The following ARHGAP35 variants were observed in gnomAD, a reference collection of about 807,000 sequenced individuals.
The protein encoded by ARHGAP35 is Rho GTPase activating protein 35.
Under a neutral mutation model 111.1 loss-of-function variants are expected in ARHGAP35, and 15 were observed. That is an observed-to-expected ratio of 0.13 (90% confidence interval 0.09 to 0.21). The LOEUF (loss-of-function observed/expected upper bound fraction) is 0.21, where lower values mean the gene tolerates loss of function less well. Ranked by LOEUF, ARHGAP35 falls within the 10% of genes least tolerant of loss-of-function variation. The pLI, the probability that ARHGAP35 is intolerant of heterozygous loss-of-function variation, is 1.00. For synonymous variants in ARHGAP35, 643 were observed against 710.3 expected, an observed-to-expected ratio of 0.91 and a Z score of 1.51; for missense variants, 1,262 against 1,873.0, an observed-to-expected ratio of 0.67 and a Z score of 6.02.
intron 3 of ARHGAP35, among the ~76,000 whole-genome samples, chr19:46,982,968 C>T (rs915407873): frequency 2.9e-5 from 4 of 139,004 alleles, no homozygotes; most frequent in African/African-American, 1.1e-4. Context: ...GTGAGAGGAT[C>T]GCTTGAGCCT....
chr19:46,888,264 AT>A (rs2056003555), intron 1 of ARHGAP35, among the ~76,000 whole-genome samples: 1 of 924 alleles, frequency 1.1e-3, no homozygotes, highest in South Asian at 0.022. Flanking sequence ...AATCAATAAT[AT>A]ATATATATAT....
At chr19:46,961,288 A>C (rs1028549352) in intron 3 of ARHGAP35, among the ~76,000 whole-genome samples, 1 of 152,228 alleles carries the variant, frequency 6.6e-6, no homozygotes, top group African/African-American at 2.4e-5. Flanking sequence ...CTATCTATAC[A>C]TGTGTAGACA....
intron 1 of ARHGAP35, among the ~76,000 whole-genome samples, chr19:46,880,125 T>G (rs1410994965): frequency 6.6e-6 from 1 of 150,894 alleles, no homozygotes; most frequent in Non-Finnish European, 1.5e-5. Context: ...ATAAATCACT[T>G]TCTTTGCTCA....
chr19:46,875,027 G>A (rs1316308101), intron 1 of ARHGAP35, among the ~76,000 whole-genome samples: 1 of 151,686 alleles, frequency 6.6e-6, no homozygotes, highest in Admixed American at 6.6e-5. Flanking sequence ...GGTCAGGCTG[G>A]TCTCGAACTC....
chr19:46,996,384 G>A (rs2056707438), intron 5 of ARHGAP35, among the ~76,000 whole-genome samples: 1 of 152,132 alleles, frequency 6.6e-6, no homozygotes, highest in African/African-American at 2.4e-5. Context: ...TTACAGGCCT[G>A]AGCCACCGCG....
In ARHGAP35 at chr19:46,983,862, G is replaced by A. The variant is rs544526351; in HGVS notation, c.3827-4127G>A. 8.2e-4 allele frequency among the ~76,000 whole-genome samples: 125 copies of A among 152,014 alleles called. 1 individual carries two copies. Among genetic ancestry groups the A allele is most frequent in the African/African-American group, 2.7e-3 (114 of 41,468 alleles). On this transcript the variant is annotated intron_variant, in intron 3 of 6. Transcript: ENST00000672722. ...GATCTCCTGACCTCGTGATTCGCCC[G>A]CCTCGGCCTCCCAAAGTGCGGGGAT... is the stretch of plus-strand genomic sequence containing the variant.
chr19:46,987,009 G>T (rs1159559957), intron 3 of ARHGAP35, among the ~76,000 whole-genome samples: 1 of 151,654 alleles, frequency 6.6e-6, no homozygotes, highest in Non-Finnish European at 1.5e-5. Context: ...TGTACTTTTA[G>T]TAGAGATGGG....
At chr19:46,880,835 T>C (rs916034101) in intron 1 of ARHGAP35, among the ~76,000 whole-genome samples, 2 of 151,640 alleles carry the variant, frequency 1.3e-5, no homozygotes, top group East Asian at 1.9e-4. Context: ...GCTGCCATGC[T>C]GGACTAATTT....
At chr19:46,949,395 A>G (rs1438933239) in intron 3 of ARHGAP35, among the ~76,000 whole-genome samples, 2 of 152,230 alleles carry the variant, frequency 1.3e-5, no homozygotes, top group African/African-American at 4.8e-5. Context: ...CCACCTTACC[A>G]AAGTAGTTAC....
At chr19:46,982,250 G>A (rs984517812) in intron 3 of ARHGAP35, among the ~76,000 whole-genome samples, 3 of 152,150 alleles carry the variant, frequency 2.0e-5, no homozygotes, top group African/African-American at 4.8e-5. Flanking sequence ...GCCAAGGCGG[G>A]CGGATCACTT....
intron 1 of ARHGAP35, among the ~76,000 whole-genome samples, chr19:46,897,053 C>A (rs2056061220): frequency 6.7e-6 from 1 of 148,806 alleles, no homozygotes; most frequent in East Asian, 2.0e-4. Flanking sequence ...GCCACCACAC[C>A]TGGCTAATTT....
chr19:46,888,602 T>C (rs1044295794), intron 1 of ARHGAP35, among the ~76,000 whole-genome samples: 64 of 151,634 alleles, frequency 4.2e-4, no homozygotes, highest in African/African-American at 1.5e-3. Context: ...AAATGTTTTG[T>C]TTTTTAAAAT....
chr19:46,869,476 T>TTGTGTGTGTGTG (rs36048282), intron 1 of ARHGAP35, among the ~76,000 whole-genome samples: 15 of 144,208 alleles, frequency 1.0e-4, no homozygotes, highest in African/African-American at 3.1e-4. Flanking sequence ...AGAAAAAAAA[T>TTGTGTGTGTGTG]TGTGTGTGTG....
intron 3 of ARHGAP35, among the ~76,000 whole-genome samples, chr19:46,965,065 C>A (rs1011311668): frequency 6.6e-6 from 1 of 152,202 alleles, no homozygotes; most frequent in African/African-American, 2.4e-5. Context: ...GTAATCCCAG[C>A]GCTTTGGGAG....
intron 1 of ARHGAP35, among the ~76,000 whole-genome samples, chr19:46,885,174 A>G (rs2055987658): frequency 6.6e-6 from 1 of 152,184 alleles, no homozygotes; most frequent in South Asian, 2.1e-4. Context: ...TATAGTCAAC[A>G]CAACATCTCA....
At position 46,989,736 on chromosome 19, in the gene ARHGAP35, A is replaced by G; in HGVS notation, c.4036+61A>G. On this transcript the variant is annotated intron_variant, in intron 5 of 6. Transcript: ENST00000672722. This position sits in a 1 kb window ranked among gnomAD's most constrained non-coding sequence, Gnocchi z 5.3. Reference sequence around the variant, plus strand: ...GGAGAAAGGGCTTGGCACTGGAAGAATAGGTCCTGCCCTCAGAATGGATGC... The same window carrying G: ...GGAGAAAGGGCTTGGCACTGGAAGAGTAGGTCCTGCCCTCAGAATGGATGC... 6.2e-7 allele frequency: 1 copy of G among 1,606,046 alleles called. No homozygotes were observed. Among genetic ancestry groups the G allele is most frequent in the Non-Finnish European group, 8.5e-7 (1 of 1,176,390 alleles).
chr19:46,974,905 A>G (rs1449877678), intron 3 of ARHGAP35, among the ~76,000 whole-genome samples: 1 of 151,894 alleles, frequency 6.6e-6, no homozygotes, highest in Non-Finnish European at 1.5e-5. Context: ...GGAGTCTCTC[A>G]CTGTTGCCTG....
chr19:46,939,502 T>C (rs1369894918), intron 3 of ARHGAP35, among the ~76,000 whole-genome samples: 1 of 151,998 alleles, frequency 6.6e-6, no homozygotes, highest in African/African-American at 2.4e-5. Flanking sequence ...CTCTGCCTCC[T>C]GGGTTCAAGC....
chr19:46,938,053 A>G (rs897357787), intron 3 of ARHGAP35, among the ~76,000 whole-genome samples: 4 of 152,148 alleles, frequency 2.6e-5, no homozygotes, highest in Admixed American at 6.5e-5. Context: ...TATTCATTTG[A>G]GCTCTCATGT....
Sources: allele counts gnomAD v4.1 joint callset (sites outside exome capture counted in the v4.1 genomes callset), GRCh38; gene constraint gnomAD v4.1.1; non-coding constraint Gnocchi (gnomAD v3.1); transcripts MANE v1.5; gene names NCBI Gene and HGNC (gene_info 2026-07-23, HGNC 2026-07-21).